UHRF2: variants seen among roughly 807,000 people sequenced by gnomAD.
The protein encoded by UHRF2 is E3 ubiquitin-protein ligase UHRF2.
A neutral mutation model predicts 96.8 loss-of-function variants in UHRF2; 23 were observed. That is an observed-to-expected ratio of 0.24 (90% confidence interval 0.17 to 0.34). UHRF2 has a LOEUF of 0.34. UHRF2 is among the 10% of genes least tolerant of loss of function. The probability of loss-of-function intolerance (pLI) is 1.00; values close to 1 mark genes in which losing one functional copy is unlikely to be tolerated. For missense variants in UHRF2, 685 were observed against 981.5 expected, an observed-to-expected ratio of 0.70 and a Z score of 4.04; for synonymous variants, 385 against 332.6, an observed-to-expected ratio of 1.16 and a Z score of -1.72.
chr9:6,496,165 C>A lies in UHRF2; in HGVS notation c.1605-1033C>A, dbSNP rs1159883599. On this transcript the variant is annotated intron_variant, in intron 10 of 15. Transcript: ENST00000276893. ...TTTTCTTGACGTCTATTTTTTTTAACTTGAGCCTGCATAAAAAGAATTAAA... is the reference window on the plus strand; with the variant it reads ...TTTTCTTGACGTCTATTTTTTTTAAATTGAGCCTGCATAAAAAGAATTAAA... 5 of 151,804 alleles carry A rather than the reference C, an allele frequency of 3.3e-5. 1 individual carries two copies. In the South Asian group the frequency reaches 1.0e-3, roughly 32 times the overall value. 9.4% of individuals were successfully genotyped at this position (151,804 alleles called of 1,614,324 possible). A position where few individuals can be genotyped will look rare whatever the true frequency, so the allele number is the denominator to read the frequency against.
At chr9:6,445,485 T>A (rs1821434236) in intron 3 of UHRF2, among the ~76,000 whole-genome samples, 1 of 152,070 alleles carries the variant, frequency 6.6e-6, no homozygotes, top group South Asian at 2.1e-4. Flanking sequence ...GGTCTAGAAC[T>A]CCTGACCTCA....
At chr9:6,430,856 A>G (rs1444420065) in intron 2 of UHRF2, among the ~76,000 whole-genome samples, 1 of 152,208 alleles carries the variant, frequency 6.6e-6, no homozygotes, top group East Asian at 1.9e-4. Flanking sequence ...TTGGGGAATG[A>G]GTAATTCTTC....
intron 4 of UHRF2, among the ~76,000 whole-genome samples, chr9:6,467,595 GTTTTT>G (rs34366483): frequency 2.0e-5 from 2 of 99,170 alleles, no homozygotes; most frequent in African/African-American, 8.3e-5. Flanking sequence ...CGAGAGAATA[GTTTTT>G]TTTTTTTTTT....
chr9:6,475,230 T>C (rs934946397), intron 4 of UHRF2, among the ~76,000 whole-genome samples, 161 bp from the exon 5 acceptor site: 1 of 152,228 alleles, frequency 6.6e-6, no homozygotes, highest in African/African-American at 2.4e-5. Context: ...TATGGACTTT[T>C]CCTACTATTG....
At chr9:6,474,298 T>C (rs1273406380) in intron 4 of UHRF2, among the ~76,000 whole-genome samples, 1 of 152,234 alleles carries the variant, frequency 6.6e-6, no homozygotes, top group Non-Finnish European at 1.5e-5. Context: ...TTCAAGCAAG[T>C]GCTAACCAAA....
At position 6,500,833 on chromosome 9, in the gene UHRF2, G is replaced by A. The variant is rs372618340; in HGVS notation, c.2163+124G>A. ...TCCTTCTACCCGGTTTTCTAATCCA[G>A]TGCCACTACCTTTCAGAAATAATCT... On this transcript the variant is annotated intron_variant, in intron 14 of 15. Coordinates refer to ENST00000276893, the MANE Select transcript of UHRF2 (RefSeq NM_152896.3). 54 of 852,386 alleles carry A rather than the reference G, an allele frequency of 6.3e-5. No individual in the cohort carries two copies. The East Asian group carries it at 1.4e-3, about 22-fold the overall frequency. 52.8% of individuals were successfully genotyped at this position (852,386 alleles called of 1,614,324 possible).
chr9:6,445,981 C>CTTTGTTTTTTTTTTTTTTTTTTTTTTTTT lies in UHRF2; in HGVS notation c.644+11811_644+11812insGTTTTTTTTTTTTTTTTTTTTTTTTTTTT, dbSNP rs751155835. Among the ~76,000 whole-genome samples the CTTTGTTTTTTTTTTTTTTTTTTTTTTTTT allele has an allele frequency of 8.9e-5, 7 of 78,906 alleles. 1 individual carries two copies. Among genetic ancestry groups the CTTTGTTTTTTTTTTTTTTTTTTTTTTTTT allele is most frequent in the African/African-American group, 3.7e-4 (7 of 19,056 alleles). 51.8% of individuals were successfully genotyped at this position (78,906 alleles called of 152,430 possible). A position where few individuals can be genotyped will look rare whatever the true frequency, so the allele number is the denominator to read the frequency against. On this transcript the variant is annotated intron_variant, in intron 3 of 15. Transcript: ENST00000276893. Reference sequence around the variant, plus strand: ...TAAATACTCTTCCCCCCCCGCCACCCTTTTTTTTTTTTTTTTTTTCCTGTT... The same window carrying CTTTGTTTTTTTTTTTTTTTTTTTTTTTTT: ...TAAATACTCTTCCCCCCCCGCCACCCTTTGTTTTTTTTTTTTTTTTTTTTTTTTTTTTTTTTTTTTTTTTTTTTCCTGTT...
intron 1 of UHRF2, 58 bp downstream of exon 1, chr9:6,413,701 C>G: frequency 2.8e-6 from 4 of 1,437,882 alleles, no homozygotes; most frequent in Non-Finnish European, 3.6e-6. Context: ...CTGGGCTCCT[C>G]TGGACGCACC....
At chr9:6,415,276 G>C (rs904509550) in intron 1 of UHRF2, 22 of 152,220 alleles carry the variant, frequency 1.4e-4, no homozygotes, top group African/African-American at 4.3e-4. Flanking sequence ...GAAAACTGAG[G>C]ATAACCGTTG....
rs1554633951 is a variant in UHRF2, at chr9:6,484,403, T to TCCTC, written c.1392+2306_1392+2309dup. ...GTGTGGCAGCAGCTTCTCCTCCTCC[T>TCCTC]CCTCCTCCCTCCTCCCTCCTCCCTC... On this transcript the variant is annotated intron_variant, in intron 8 of 15. Coordinates refer to ENST00000276893, the MANE Select transcript of UHRF2 (RefSeq NM_152896.3). Among the ~76,000 whole-genome samples the TCCTC allele has an allele frequency of 2.7e-5, 4 of 148,186 alleles. No homozygotes were observed. The South Asian group carries it at 6.4e-4, about 24-fold the overall frequency.
intron 9 of UHRF2, 68 bp downstream of exon 9, chr9:6,486,993 C>G (rs560809068): frequency 7.0e-7 from 1 of 1,430,850 alleles, no homozygotes; most frequent in Non-Finnish European, 9.8e-7. Context: ...ATAGCTTTGC[C>G]TAGGATACAT....
intron 3 of UHRF2, among the ~76,000 whole-genome samples, chr9:6,457,148 G>A (rs1344955495): frequency 7.2e-5 from 11 of 152,152 alleles, no homozygotes; most frequent in African/African-American, 2.7e-4. Flanking sequence ...AGCATGGAAT[G>A]TTGTTCCATT....
At chr9:6,482,226 T>G in intron 8 of UHRF2, 127 bp downstream of exon 8, 2 of 790,980 alleles carry the variant, frequency 2.5e-6, no homozygotes, top group Non-Finnish European at 4.2e-6. Flanking sequence ...ATATATTTTT[T>G]AGGATGGGTG....
intron 12 of UHRF2, 27 bp from the exon 13 acceptor site, chr9:6,499,808 G>T: frequency 1.3e-6 from 2 of 1,548,560 alleles, no homozygotes; most frequent in African/African-American, 1.5e-5. Flanking sequence ...AATCTGCATT[G>T]TACTCTCCCT....
At chr9:6,498,222 T>C (rs1825077756) in intron 12 of UHRF2, 64 bp downstream of exon 12, 2 of 1,542,374 alleles carry the variant, frequency 1.3e-6, no homozygotes. Context: ...TCTATCTACA[T>C]GCCTTAACAC....
intron 3 of UHRF2, among the ~76,000 whole-genome samples, chr9:6,437,820 G>GAA (rs1820940127): frequency 6.6e-6 from 1 of 152,016 alleles, no homozygotes; most frequent in African/African-American, 2.4e-5. Flanking sequence ...GTTTCACCAC[G>GAA]TTGGCCAAGG....
chr9:6,448,987 A>T (rs918537613), intron 3 of UHRF2, among the ~76,000 whole-genome samples: 3 of 152,178 alleles, frequency 2.0e-5, no homozygotes, highest in Non-Finnish European at 4.4e-5. Context: ...ACCTTGCTTT[A>T]ACCATCATCA....
chr9:6,460,282 G>A (rs762317410), intron 3 of UHRF2, among the ~76,000 whole-genome samples: 1 of 152,066 alleles, frequency 6.6e-6, no homozygotes, highest in Non-Finnish European at 1.5e-5. Flanking sequence ...TCTTGAATGC[G>A]GGCTGAACAC....
chr9:6,443,479 C>G (rs545265896), intron 3 of UHRF2, among the ~76,000 whole-genome samples: 1 of 152,328 alleles, frequency 6.6e-6, no homozygotes, highest in East Asian at 1.9e-4. Flanking sequence ...TACTACCTCT[C>G]ATTTTAAGAG....
Sources: allele counts gnomAD v4.1 joint callset (sites outside exome capture counted in the v4.1 genomes callset), GRCh38; gene constraint gnomAD v4.1.1; transcripts MANE v1.5; gene names NCBI Gene and HGNC (gene_info 2026-07-23, HGNC 2026-07-21).